The following PAIP1 variants were observed in gnomAD, a reference collection of about 807,000 sequenced individuals.
The protein encoded by PAIP1 is polyadenylate-binding protein-interacting protein 1.
Under a neutral mutation model 61.3 loss-of-function variants are expected in PAIP1, and 16 were observed. The observed-to-expected ratio is 0.26, with a 90% confidence interval of 0.18 to 0.40. The LOEUF is 0.40. Among genes scored for constraint, PAIP1 ranks in the 10% least tolerant of loss-of-function variants. The pLI is 1.00. For missense variants in PAIP1, 416 were observed against 600.9 expected, an observed-to-expected ratio of 0.69 and a Z score of 3.22; for synonymous variants, 187 against 226.2, an observed-to-expected ratio of 0.83 and a Z score of 1.56.
intron 9 of PAIP1, 141 bp from the exon 10 acceptor site, chr5:43,530,020 T>C (rs891908734): frequency 1.7e-5 from 10 of 597,586 alleles, no homozygotes; most frequent in Admixed American, 3.0e-5. Flanking sequence ...TATAGTACTA[T>C]AGATATAAGT....
intron 3 of PAIP1, among the ~76,000 whole-genome samples, chr5:43,543,608 T>C (rs1278935621): frequency 5.3e-5 from 8 of 152,054 alleles, no homozygotes; most frequent in Admixed American, 2.0e-4. Flanking sequence ...AAAGAGGTGA[T>C]TAATGGTAAC....
At position 43,555,905 on chromosome 5, in the gene PAIP1, T is replaced by G; in HGVS notation, c.360A>C (p.Val120=). 6.2e-7 allele frequency: 1 copy of G among 1,613,930 alleles called. No homozygotes were observed. Among genetic ancestry groups the G allele is most frequent in the South Asian group, 1.1e-5 (1 of 91,062 alleles). The change falls in exon 2 of 11, where the codon GTA becomes GTC. Residue 120 remains valine, a synonymous_variant. Transcript: ENST00000306846. ...ESAMAKPQVV[V]APVLMSKLSV... is the part of the protein sequence containing the mutation. ...ACAGCTTAGACATTAATACAGGAGCTACAACCACCTGGGGCTTAGCCATTG... is the reference window on the plus strand; with the variant it reads ...ACAGCTTAGACATTAATACAGGAGCGACAACCACCTGGGGCTTAGCCATTG...
intron 10 of PAIP1, 29 bp downstream of exon 10, chr5:43,529,757 C>G: frequency 8.9e-7 from 1 of 1,125,494 alleles, no homozygotes; most frequent in Non-Finnish European, 1.4e-6. Context: ...ACAGAAATTT[C>G]ACGAAGTTAG....
Position 43,527,301 on chromosome 5 carries a change from T to C in PAIP1, c.*75A>G, listed in dbSNP as rs1034190874. 4.3e-6 allele frequency: 4 copies of C among 937,942 alleles called. No individual in the cohort carries two copies. In the African/African-American group the frequency reaches 5.4e-5, roughly 13 times the overall value. 58.1% of individuals were successfully genotyped at this position (937,942 alleles called of 1,614,324 possible). A position where few individuals can be genotyped will look rare whatever the true frequency, so the allele number is the denominator to read the frequency against. On this transcript the variant is annotated 3_prime_UTR_variant, in exon 11 of 11. Coordinates refer to ENST00000306846, the MANE Select transcript of PAIP1 (RefSeq NM_006451.5). ...CCTTAATTTGGTATAGATGTGACAT[T>C]TTCTTGCTCTCTTGTGTTCTGCTAA...
chr5:43,538,027 A>G lies in PAIP1; in HGVS notation c.846+897T>C, dbSNP rs186322242. The stretch of plus-strand genomic sequence containing the variant: ...AAAAAAAAAAAAAAAAAAATCAAGC[A>G]AATCTATTACACAGTAATAATGCCG... On this transcript the variant is annotated intron_variant, in intron 5 of 10. Transcript: ENST00000306846. Among the ~76,000 whole-genome samples the G allele has an allele frequency of 7.5e-3, 1,142 of 151,682 alleles. 4 individuals are homozygous for G. The highest frequency in any genetic ancestry group is 9.7e-3 in the Non-Finnish European group (660 of 67,920).
intron 4 of PAIP1, among the ~76,000 whole-genome samples, chr5:43,539,779 T>C (rs1165213632): frequency 6.6e-6 from 1 of 152,234 alleles, no homozygotes; most frequent in African/African-American, 2.4e-5. Context: ...GTAACTAAAC[T>C]AGGCACAATA....
At chr5:43,547,042 C>CA (rs766493987) in intron 3 of PAIP1, among the ~76,000 whole-genome samples, 12,573 of 35,440 alleles carry the variant, frequency 0.35, 5,480 homozygotes, top group East Asian at 0.63. Flanking sequence ...GACTCCATAT[C>CA]AAAAAAAAAA....
chr5:43,531,676 A>AAAAAAAAAAAAAAAAAAAGAG (rs70997407), intron 9 of PAIP1, among the ~76,000 whole-genome samples: 8 of 143,010 alleles, frequency 5.6e-5, no homozygotes, highest in Non-Finnish European at 7.6e-5. Context: ...AAAAAAAAAA[A>AAAAAAAAAAAAAAAAAAAGAG]AGAGAAAAAA....
chr5:43,544,782 A>G (rs1020289450), intron 3 of PAIP1, among the ~76,000 whole-genome samples: 1 of 152,202 alleles, frequency 6.6e-6, no homozygotes, highest in East Asian at 1.9e-4. Context: ...AAAGGAAAAA[A>G]GACCCTGTCA....
At position 43,529,719 on chromosome 5, in the gene PAIP1, T is replaced by C. The variant is rs149917078; in HGVS notation, c.1346+67A>G. The stretch of plus-strand genomic sequence containing the variant: ...AAACACCATTCCTTCATGAGCTACT[T>C]TGTCTAATCTCCACCTATAAATTAG... On this transcript the variant is annotated intron_variant, in intron 10 of 10. Coordinates refer to ENST00000306846, the MANE Select transcript of PAIP1 (RefSeq NM_006451.5). The C allele has an allele frequency of 1.7e-4, 147 of 858,066 alleles. 1 individual carries two copies. In the African/African-American group the frequency reaches 2.3e-3, roughly 14 times the overall value. 53.2% of individuals were successfully genotyped at this position (858,066 alleles called of 1,614,324 possible).
chr5:43,546,581 A>T (rs138549437), intron 3 of PAIP1, among the ~76,000 whole-genome samples: 73 of 152,328 alleles, frequency 4.8e-4, no homozygotes, highest in African/African-American at 1.7e-3. Flanking sequence ...TTTGCATTAT[A>T]ATCTCCCTTC....
chr5:43,556,106 C>A, intron 1 of PAIP1, 107 bp from the exon 2 acceptor site: 1 of 1,460,620 alleles, frequency 6.8e-7, no homozygotes, highest in South Asian at 1.4e-5. Flanking sequence ...AAGAGTTAAA[C>A]AGGAACCATC....
intron 3 of PAIP1, among the ~76,000 whole-genome samples, chr5:43,547,242 C>CT (rs1269174098): frequency 1.3e-5 from 2 of 151,572 alleles, no homozygotes; most frequent in African/African-American, 4.8e-5. Flanking sequence ...GTTTGGCTTT[C>CT]TTTTTTTTAA....
intron 10 of PAIP1, among the ~76,000 whole-genome samples, chr5:43,528,411 T>G (rs1746792271): frequency 6.6e-6 from 1 of 152,152 alleles, no homozygotes; most frequent in African/African-American, 2.4e-5. Context: ...TTTCTGTTTC[T>G]TCCCCATTTC....
At chr5:43,541,718 TG>T (rs962504593) in intron 4 of PAIP1, among the ~76,000 whole-genome samples, 2 of 66,342 alleles carry the variant, frequency 3.0e-5, no homozygotes, top group Non-Finnish European at 6.8e-5. Flanking sequence ...ATAATAAACT[TG>T]AAGATAACCT....
chr5:43,540,389 CTTTT>C (rs5867637), intron 4 of PAIP1, among the ~76,000 whole-genome samples: 1 of 151,616 alleles, frequency 6.6e-6, no homozygotes, highest in Non-Finnish European at 1.5e-5. Flanking sequence ...GATGAAATAA[CTTTT>C]TTTTTCATAA....
At chr5:43,556,347 C>G (rs1748072066) in intron 1 of PAIP1, 1 of 1,235,486 alleles carries the variant, frequency 8.1e-7, no homozygotes, top group South Asian at 4.0e-5. Flanking sequence ...GGACCCCGAA[C>G]TCCGAGACCG....
chr5:43,539,788 T>C (rs774678233), intron 4 of PAIP1, among the ~76,000 whole-genome samples: 2 of 152,244 alleles, frequency 1.3e-5, no homozygotes, highest in Non-Finnish European at 2.9e-5. Flanking sequence ...CTAGGCACAA[T>C]AATCCTGTCA....
At position 43,534,833 on chromosome 5, in the gene PAIP1, A is replaced by G. The variant is rs948072309; in HGVS notation, c.1197+20T>C. 8.0e-7 allele frequency: 1 copy of G among 1,249,540 alleles called. No homozygotes were observed. Among genetic ancestry groups the G allele is most frequent in the Non-Finnish European group, 1.2e-6 (1 of 851,080 alleles). 77.4% of individuals were successfully genotyped at this position (1,249,540 alleles called of 1,614,324 possible). A position where few individuals can be genotyped will look rare whatever the true frequency, so the allele number is the denominator to read the frequency against. The stretch of plus-strand genomic sequence containing the variant: ...GAATTCAAGCAATAAGTAAAACTTA[A>G]AATATAAACACTGGCATACCATAAA... On this transcript the variant is annotated intron_variant, in intron 8 of 10. Transcript: ENST00000306846.
Sources: allele counts gnomAD v4.1 joint callset (sites outside exome capture counted in the v4.1 genomes callset), GRCh38; gene constraint gnomAD v4.1.1; transcripts MANE v1.5; gene names NCBI Gene and HGNC (gene_info 2026-07-23, HGNC 2026-07-21).